The following OVCH2 variants were observed in gnomAD, a reference collection of about 807,000 sequenced individuals.
OVCH2 encodes ovochymase 2, also known as ovochymase-2.
OVCH2 carries 88 observed loss-of-function variants against 73.7 expected under a neutral mutation model. That is an observed-to-expected ratio of 1.19 (90% CI 1.01 to 1.43). The LOEUF (loss-of-function observed/expected upper bound fraction) is 1.43, where lower values mean the gene tolerates loss of function less well. Among genes scored for constraint, OVCH2 ranks in the 40% most tolerant of loss-of-function variants. The pLI, the probability that OVCH2 is intolerant of heterozygous loss-of-function variation, is 0.00. For synonymous variants in OVCH2, 265 were observed against 234.5 expected, an observed-to-expected ratio of 1.13 and a Z score of -1.19; for missense variants, 706 against 674.5, an observed-to-expected ratio of 1.05 and a Z score of -0.52.
At position 7,691,392 on chromosome 11, in the gene OVCH2, A is replaced by G. The variant is rs1590902329; in HGVS notation, c.1516T>C (p.Cys506Arg). 6.2e-7 allele frequency: 1 copy of G among 1,612,446 alleles called. No individual in the cohort carries two copies. Among genetic ancestry groups the G allele is most frequent in the Non-Finnish European group, 8.5e-7 (1 of 1,178,908 alleles). Reference sequence around the variant, plus strand: ...ACAGGGGTGGGGACATCATAGCCACACAGCCGAGCTTGTTGAAGGCCAGCC... The same window carrying G: ...ACAGGGGTGGGGACATCATAGCCACGCAGCCGAGCTTGTTGAAGGCCAGCC... ...VERKKEIARL[C>R]GYDVPTPVLS... The change falls in exon 14 of 16, where the codon TGT becomes CGT. Residue 506 changes from cysteine (C) to arginine (R), a missense_variant. Physicochemically the swap from Cys to Arg is radical, Grantham distance 180. Coordinates refer to ENST00000533663, the MANE Select transcript of OVCH2 (RefSeq NM_198185.7).
intron 7 of OVCH2, chr11:7,699,431 C>T (rs928020906): frequency 2.2e-4 from 33 of 152,380 alleles, no homozygotes; most frequent in African/African-American, 7.9e-4. Flanking sequence ...TTGCATGTAA[C>T]CTAGGCATGT....
intron 3 of OVCH2, among the ~76,000 whole-genome samples, chr11:7,703,465 C>A (rs542083425): frequency 5.1e-4 from 77 of 152,186 alleles, no homozygotes; most frequent in South Asian, 3.7e-3. Context: ...TTATTAACTT[C>A]CAGTTATTTT....
chr11:7,691,550 C>T (rs1203612824), intron 13 of OVCH2, 150 bp from the exon 14 acceptor site: 11 of 1,063,684 alleles, frequency 1.0e-5, no homozygotes, highest in Non-Finnish European at 1.4e-5. Context: ...GCAGCTCACT[C>T]CTTAATTAAC....
In OVCH2 at chr11:7,696,747, G is replaced by A. The variant is rs1213086111; in HGVS notation, c.978C>T (p.His326=). The change falls in exon 9 of 16, where the codon CAC becomes CAT. Residue 326 remains histidine, a synonymous_variant. Transcript: ENST00000533663. ...VIVSGAEGKL[H]FPESLHLYYE... is the part of the protein sequence containing the mutation. Reference sequence around the variant, plus strand: ...AATATAGGTGGAGGCTTTCTGGGAAGTGCAGCTTCCCCTCAGCCCCGCTGA... The same window carrying A: ...AATATAGGTGGAGGCTTTCTGGGAAATGCAGCTTCCCCTCAGCCCCGCTGA... 6.2e-7 allele frequency: 1 copy of A among 1,613,202 alleles called. No individual in the cohort carries two copies. Among genetic ancestry groups the A allele is most frequent in the Non-Finnish European group, 8.5e-7 (1 of 1,179,578 alleles).
At chr11:7,691,109 G>A (rs1425558338) in intron 14 of OVCH2, 160 bp downstream of exon 14, 12 of 882,274 alleles carry the variant, frequency 1.4e-5, no homozygotes, top group Non-Finnish European at 1.9e-5. Flanking sequence ...AGGAGGGATG[G>A]CTGAGTATTC....
rs767750562 is a variant in OVCH2 at position 7,691,318 on chromosome 11, G to A, written c.1590C>T (p.Asn530=). The change falls in exon 14 of 16, where the codon AAC becomes AAT. Residue 530 remains asparagine (N), a synonymous_variant. Coordinates refer to ENST00000533663, the MANE Select transcript of OVCH2 (RefSeq NM_198185.7). The part of the protein sequence containing the change: ...IMLISFQSDE[N]GTCRGFQATV... ...TAGCCTGAAAGCCCCTGCAGGTCCC[G>A]TTTTCATCTGATTGGAAGCTGATGA... The A allele has an allele frequency of 9.1e-5, 147 of 1,613,644 alleles. No homozygotes were observed. The highest frequency in any genetic ancestry group is 1.5e-4 in the African/African-American group (11 of 74,880).
At chr11:7,684,822 G>A (rs1856125872), downstream of OVCH2, among the ~76,000 whole-genome samples, 1 of 151,974 alleles carries the variant, frequency 6.6e-6, no homozygotes, top group Non-Finnish European at 1.5e-5. Context: ...TAGGTTGAGG[G>A]AACAGTAATC....
chr11:7,692,053 G>C, intron 12 of OVCH2, 58 bp from the exon 13 acceptor site: 1 of 1,262,940 alleles, frequency 7.9e-7, no homozygotes. Flanking sequence ...ACCTGACTTT[G>C]ATTCAGCAGA....
the OVCH2 span, among the ~76,000 whole-genome samples, chr11:7,684,235 A>C: frequency 6.6e-6 from 1 of 151,980 alleles, no homozygotes; most frequent in Non-Finnish European, 1.5e-5. Context: ...GGAGGTATGG[A>C]TCTCATGCCA....
chr11:7,691,248 T>C (rs1385721471), intron 14 of OVCH2, 21 bp downstream of exon 14: 2 of 1,583,178 alleles, frequency 1.3e-6, no homozygotes, highest in Admixed American at 3.6e-5. Flanking sequence ...AACCAAAGAG[T>C]TGGTAACTCT....
At position 7,704,682 on chromosome 11, in the gene OVCH2, A is replaced by T; in HGVS notation, c.89-8T>A. On this transcript the variant is annotated splice_region_variant and splice_polypyrimidine_tract_variant and intron_variant, in intron 1 of 15. Transcript: ENST00000533663. ...TCTGCCCACAACTGGGAGCTGAGAA[A>T]AAAACGAGACAAACTAAATGATTAG... 6.4e-7 allele frequency: 1 copy of T among 1,574,400 alleles called. No homozygotes were observed. The highest frequency in any genetic ancestry group is 8.7e-7 in the Non-Finnish European group (1 of 1,147,648).
chr11:7,697,445 G>A lies in OVCH2; in HGVS notation c.926-646C>T, dbSNP rs375451047. Among the ~76,000 whole-genome samples, 14 of 152,238 alleles carry A rather than the reference G, an allele frequency of 9.2e-5. No individual in the cohort carries two copies. In the South Asian group the frequency reaches 1.9e-3, roughly 20 times the overall value. ...TCTGTCTCTATGATCCCTTGGACCA[G>A]GTTCATTCACACCCTCCATTTCAGA... On this transcript the variant is annotated intron_variant, in intron 8 of 15. Transcript: ENST00000533663.
intron 6 of OVCH2, among the ~76,000 whole-genome samples, chr11:7,700,941 T>G (rs1275159901): frequency 6.6e-6 from 1 of 152,220 alleles, no homozygotes; most frequent in Non-Finnish European, 1.5e-5. Context: ...TATTTGGTCT[T>G]TTGGAAAAAG....
the OVCH2 span, among the ~76,000 whole-genome samples, chr11:7,680,817 AC>A: frequency 6.6e-6 from 1 of 152,238 alleles, no homozygotes; most frequent in African/African-American, 2.4e-5. Flanking sequence ...GGAAACTAAT[AC>A]AATAAATGAA....
At chr11:7,703,151 A>T (rs1169776775) in intron 3 of OVCH2, among the ~76,000 whole-genome samples, 1 of 152,234 alleles carries the variant, frequency 6.6e-6, no homozygotes, top group Non-Finnish European at 1.5e-5. Context: ...GAATGACTAT[A>T]TGGGAACATG....
intron 8 of OVCH2, among the ~76,000 whole-genome samples, chr11:7,698,053 G>A (rs961976278): frequency 6.6e-6 from 1 of 152,006 alleles, no homozygotes; most frequent in Non-Finnish European, 1.5e-5. Flanking sequence ...CTTTAATAAG[G>A]ATGATTCCTT....
downstream of OVCH2, among the ~76,000 whole-genome samples, chr11:7,687,304 G>GC (rs1856152417): frequency 8.2e-6 from 1 of 121,782 alleles, no homozygotes; most frequent in South Asian, 2.4e-4. Context: ...AGTGATGGCT[G>GC]TGGAAATAAT....
chr11:7,689,976 T>C lies in OVCH2; in HGVS notation c.1677A>G (p.Glu559=), dbSNP rs35699890. 0.14 allele frequency: 218,413 copies of C among 1,522,270 alleles called. 16,742 individuals are homozygous for C. The highest frequency in any genetic ancestry group is 0.25 in the African/African-American group (18,517 of 72,668). 94.3% of individuals were successfully genotyped at this position (1,522,270 alleles called of 1,614,324 possible). A position where few individuals can be genotyped will look rare whatever the true frequency, so the allele number is the denominator to read the frequency against. The change falls in exon 15 of 16, where the codon GAA becomes GAG. Residue 559 remains glutamate, a synonymous_variant. Transcript: ENST00000533663. ...PDLNISISED[E]SMFLET is the part of the protein sequence containing the mutation. The stretch of plus-strand genomic sequence containing the variant: ...CATCTCATGTCTCCAGAAACATTGA[T>C]TCATCCTCTGATATGGAGATGTTTA...
At chr11:7,698,631 T>G (rs1589878314) in intron 8 of OVCH2, 119 bp downstream of exon 8, 1 of 984,598 alleles carries the variant, frequency 1.0e-6, no homozygotes, top group South Asian at 1.6e-5. Flanking sequence ...CTCCAGGTGG[T>G]AGTTTTAGAC....
Sources: gnomAD v4.1 joint callset for allele counts (sites outside exome capture counted in the v4.1 genomes callset) on GRCh38, gnomAD v4.1.1 for gene constraint, MANE v1.5 for transcripts, NCBI Gene and HGNC (gene_info 2026-07-23, HGNC 2026-07-21) for gene names.